Variants in ANKRD13A observed in about 807,000 individuals in gnomAD.
The protein encoded by ANKRD13A is ankyrin repeat domain-containing protein 13A.
A neutral mutation model predicts 81.3 loss-of-function variants in ANKRD13A; 48 were observed. The ratio of observed to expected loss-of-function variants is 0.59; its 90% CI spans 0.47 to 0.75. ANKRD13A has a LOEUF of 0.75. ANKRD13A is among the 30% of genes least tolerant of loss of function. The pLI is 0.00. For missense variants in ANKRD13A, 612 were observed against 734.0 expected (o/e 0.83, Z 1.92); for synonymous variants, 230 against 270.1 (o/e 0.85, Z 1.45).
At chr12:110,022,204 C>T (rs1891111810) in intron 6 of ANKRD13A, 1 of 152,358 alleles carries the variant, frequency 6.6e-6, no homozygotes, top group African/African-American at 2.4e-5. Flanking sequence ...AATTCCAGCA[C>T]TTTGGGAGGC....
chr12:110,028,273 CAGG>C (rs1891460784), intron 9 of ANKRD13A: 1 of 421,688 alleles, frequency 2.4e-6, no homozygotes. Flanking sequence ...TTGTTATAAT[CAGG>C]AGATAAAAAT....
intron 13 of ANKRD13A, 44 bp downstream of exon 13, chr12:110,034,001 T>TA: frequency 6.5e-7 from 1 of 1,543,078 alleles, no homozygotes; most frequent in Admixed American, 2.0e-5. Context: ...TGGGAGGTCT[T>TA]ACCCTCTGGG....
At chr12:110,011,298 A>C (rs1890510638) in intron 1 of ANKRD13A, among the ~76,000 whole-genome samples, 1 of 152,162 alleles carries the variant, frequency 6.6e-6, no homozygotes, top group Admixed American at 6.5e-5. Flanking sequence ...CAGAATAGGA[A>C]CGAAGAGGTA....
chr12:110,000,808 A>G (rs1349457724), intron 1 of ANKRD13A, among the ~76,000 whole-genome samples: 1 of 131,256 alleles, frequency 7.6e-6, no homozygotes, highest in Non-Finnish European at 1.5e-5. Flanking sequence ...CCCGGGCTGG[A>G]GTGCAATGGT....
At chr12:110,003,107 C>T (rs1316223076) in intron 1 of ANKRD13A, among the ~76,000 whole-genome samples, 1 of 152,148 alleles carries the variant, frequency 6.6e-6, no homozygotes, top group Non-Finnish European at 1.5e-5. Context: ...ACTTCTTTGG[C>T]CTTCTTACTG....
chr12:110,036,644 C>T lies in ANKRD13A; in HGVS notation c.1577+316C>T, dbSNP rs71458317. 0.023 allele frequency among the ~76,000 whole-genome samples: 3,457 copies of T among 152,038 alleles called. 56 individuals carry two copies. Among genetic ancestry groups the T allele is most frequent in the Non-Finnish European group, 0.034 (2,311 of 67,974 alleles). ...CCAGGCACCTGTAGTCTCAGCTACTCGGGAGGCTGAGGCAGGAGAATGGCA... is the reference window on the plus strand; with the variant it reads ...CCAGGCACCTGTAGTCTCAGCTACTTGGGAGGCTGAGGCAGGAGAATGGCA... On this transcript the variant is annotated intron_variant, in intron 14 of 14. Transcript: ENST00000261739. The surrounding 1 kb of genome is among the most constrained non-coding windows in gnomAD (Gnocchi z 4.6).
At chr12:110,009,954 T>C (rs1225782966) in intron 1 of ANKRD13A, among the ~76,000 whole-genome samples, 1 of 152,212 alleles carries the variant, frequency 6.6e-6, no homozygotes, top group Non-Finnish European at 1.5e-5. Flanking sequence ...AACCTCCGCC[T>C]CCCAGGTTCA....
At chr12:110,030,099 G>A (rs1046400942) in intron 11 of ANKRD13A, among the ~76,000 whole-genome samples, 1 of 151,948 alleles carries the variant, frequency 6.6e-6, no homozygotes, top group African/African-American at 2.4e-5. Flanking sequence ...ATAGTTGTAT[G>A]TTCATGATAC....
At position 110,018,269 on chromosome 12, in the gene ANKRD13A, C is replaced by T; in HGVS notation, c.401-76C>T. The T allele has an allele frequency of 6.7e-7, 1 of 1,482,072 alleles. No individual in the cohort carries two copies. Among genetic ancestry groups the T allele is most frequent in the Non-Finnish European group, 9.2e-7 (1 of 1,091,216 alleles). The allele number at this position is 1,482,072 out of a possible 1,614,324, so 91.8% of individuals were successfully genotyped here. Reference sequence around the variant, plus strand: ...TGCCACTCCCCTCCTTTTATTAAATCAGAATCCTGATTTCCTGGCCTAGGT... The same window carrying T: ...TGCCACTCCCCTCCTTTTATTAAATTAGAATCCTGATTTCCTGGCCTAGGT... On this transcript the variant is annotated intron_variant, in intron 4 of 14. Coordinates refer to ENST00000261739, the MANE Select transcript of ANKRD13A (RefSeq NM_033121.2). The surrounding 1 kb of genome is among the most constrained non-coding windows in gnomAD (Gnocchi z 4.4).
In ANKRD13A at chr12:110,039,403, A is replaced by G. The variant is rs991412873; in HGVS notation, c.*1849A>G. 2 of 152,232 alleles carry G rather than the reference A, an allele frequency of 1.3e-5. No homozygotes were observed. Among genetic ancestry groups the G allele is most frequent in the Admixed American group, 6.5e-5 (1 of 15,280 alleles). The allele number at this position is 152,232 out of a possible 1,614,324, so 9.4% of individuals were successfully genotyped here. ...GTTCACTCTAAAAATGCAAATAAAG[A>G]CTGCTTCCTTAGAGGGTGCTCATAC... is the stretch of plus-strand genomic sequence containing the variant. On this transcript the variant is annotated 3_prime_UTR_variant, in exon 15 of 15. Transcript: ENST00000261739.
rs1205265257 is a variant in ANKRD13A at position 109,999,506 on chromosome 12, G to C, written c.-183G>C. ...GGTGGGCGCGGCCGACCTGGTCCCT[G>C]AGCCGGCCGGCGACCCCGGACCTCC... On this transcript the variant is annotated 5_prime_UTR_variant, in exon 1 of 15. Transcript: ENST00000261739. The surrounding 1 kb of genome is among the most constrained non-coding windows in gnomAD (Gnocchi z 4.3). 3.1e-6 allele frequency: 1 copy of C among 317,494 alleles called. No homozygotes were observed. The highest frequency in any genetic ancestry group is 2.2e-5 in the African/African-American group (1 of 45,482). 19.7% of individuals were successfully genotyped at this position (317,494 alleles called of 1,614,324 possible). A position where few individuals can be genotyped will look rare whatever the true frequency, so the allele number is the denominator to read the frequency against.
Position 110,036,371 on chromosome 12 carries a change from A to T in ANKRD13A, c.1577+43A>T. On this transcript the variant is annotated intron_variant, in intron 14 of 14. Coordinates refer to ENST00000261739, the MANE Select transcript of ANKRD13A (RefSeq NM_033121.2). This position sits in a 1 kb window ranked among gnomAD's most constrained non-coding sequence, Gnocchi z 4.6. ...CTCTGGAATAAACCAGGGTGAACAC[A>T]GGCCTGGACACAGGCGAGCAGACGC... is the stretch of plus-strand genomic sequence containing the variant. The T allele has an allele frequency of 6.3e-7, 1 of 1,590,068 alleles. No individual in the cohort carries two copies.
chr12:110,019,363 C>T (rs1890959512), intron 6 of ANKRD13A, 35 bp downstream of exon 6: 1 of 1,539,140 alleles, frequency 6.5e-7, no homozygotes, highest in Non-Finnish European at 8.8e-7. Flanking sequence ...AATGTCTAAT[C>T]CCCATGCTGC....
Position 109,999,462 on chromosome 12 carries a change from G to A in ANKRD13A, c.-227G>A, listed in dbSNP as rs1385466029. Reference sequence around the variant, plus strand: ...TGTCCGCGAGCTGTCAGCGCGGGCGGGAACGCCGCGGGGCGCGGGGTGGGC... The same window carrying A: ...TGTCCGCGAGCTGTCAGCGCGGGCGAGAACGCCGCGGGGCGCGGGGTGGGC... On this transcript the variant is annotated 5_prime_UTR_variant, in exon 1 of 15. Transcript: ENST00000261739. This position sits in a 1 kb window ranked among gnomAD's most constrained non-coding sequence, Gnocchi z 4.3. 3 of 245,680 alleles carry A rather than the reference G, an allele frequency of 1.2e-5. No individual in the cohort carries two copies. The highest frequency in any genetic ancestry group is 1.6e-4 in the East Asian group (2 of 12,240). 15.2% of individuals were successfully genotyped at this position (245,680 alleles called of 1,614,324 possible).
intron 9 of ANKRD13A, chr12:110,028,184 T>C (rs1891456334): frequency 3.1e-6 from 1 of 324,476 alleles, no homozygotes; most frequent in African/African-American, 2.1e-5. Context: ...CTATCAAAGC[T>C]AGACAGGGAA....
rs370789667 is a variant in ANKRD13A at position 110,012,036 on chromosome 12, C to T, written c.128C>T (p.Thr43Ile). Residue 43 changes from threonine to isoleucine, a missense_variant, in exon 2 of 15, where the codon ACA becomes ATA. Coordinates refer to ENST00000261739, the MANE Select transcript of ANKRD13A (RefSeq NM_033121.2). ...GAGGCTGTGGACCCACGAGGTCGAA[C>T]ATTATTGCATCTTGCTGTTTCCTTG... ...NVEAVDPRGR[T>I]LLHLAVSLGH... 2 of 1,611,008 alleles carry T rather than the reference C, an allele frequency of 1.2e-6. No individual in the cohort carries two copies. The highest frequency in any genetic ancestry group is 1.7e-6 in the Non-Finnish European group (2 of 1,177,398).
At chr12:110,010,497 G>A (rs1382824662) in intron 1 of ANKRD13A, among the ~76,000 whole-genome samples, 1 of 152,156 alleles carries the variant, frequency 6.6e-6, no homozygotes, top group East Asian at 1.9e-4. Context: ...GAATCTAGAA[G>A]ATATTAATAT....
intron 7 of ANKRD13A, among the ~76,000 whole-genome samples, chr12:110,025,290 A>G (rs1255319917): frequency 6.6e-6 from 1 of 150,550 alleles, no homozygotes; most frequent in East Asian, 2.0e-4. Context: ...CAGGAGGCGG[A>G]GGCTGCAGTG....
At chr12:110,033,759 A>T in intron 12 of ANKRD13A, 38 bp from the exon 13 acceptor site, 1 of 1,515,240 alleles carries the variant, frequency 6.6e-7, no homozygotes, top group Non-Finnish European at 8.9e-7. Context: ...GTGGAAATGT[A>T]ATGAACTCAG....
Sources: gnomAD v4.1 joint callset for allele counts (sites outside exome capture counted in the v4.1 genomes callset) on GRCh38, gnomAD v4.1.1 for gene constraint, Gnocchi (gnomAD v3.1) non-coding constraint, MANE v1.5 for transcripts, NCBI Gene and HGNC (gene_info 2026-07-23, HGNC 2026-07-21) for gene names.